The following NTRK2 variants were observed in gnomAD, a reference collection of about 807,000 sequenced individuals.
NTRK2 encodes neurotrophic receptor tyrosine kinase 2.
A neutral mutation model predicts 94.5 loss-of-function variants in NTRK2; 13 were observed. The observed-to-expected ratio is 0.14, with a 90% CI of 0.09 to 0.22. NTRK2 has a LOEUF of 0.22. Ranked by LOEUF, NTRK2 falls within the 10% of genes least tolerant of loss-of-function variation. The pLI is 1.00. For missense variants in NTRK2, 639 were observed against 1,071.2 expected, an observed-to-expected ratio of 0.60 and a Z score of 5.63; for synonymous variants, 372 against 407.4, an observed-to-expected ratio of 0.91 and a Z score of 1.05.
intron 6 of NTRK2, among the ~76,000 whole-genome samples, chr9:84,718,366 TTCATACACACAATAGAG>T (rs1395040326): frequency 6.6e-6 from 1 of 152,122 alleles, no homozygotes; most frequent in East Asian, 1.9e-4. Context: ...ACCCTGGTGA[TTCATACACACAATAGAG>T]TTGTGTGTAT....
chr9:84,980,104 C>G (rs888778929), intron 17 of NTRK2, among the ~76,000 whole-genome samples: 15 of 152,182 alleles, frequency 9.9e-5, no homozygotes, highest in African/African-American at 3.6e-4. Flanking sequence ...TGAGGCATGT[C>G]TGTACTCATC....
At chr9:84,691,707 C>T (rs899528664) in intron 2 of NTRK2, among the ~76,000 whole-genome samples, 2 of 152,124 alleles carry the variant, frequency 1.3e-5, no homozygotes, top group Non-Finnish European at 2.9e-5. Context: ...AGCCCTGTGA[C>T]TGCCCCAGAA....
intron 17 of NTRK2, among the ~76,000 whole-genome samples, chr9:84,988,411 G>C (rs1055222305): frequency 6.6e-6 from 1 of 152,048 alleles, no homozygotes; most frequent in African/African-American, 2.4e-5. Flanking sequence ...ATCACCCTGG[G>C]AACTTAATCT....
chr9:84,678,562 C>A (rs1684065064), intron 2 of NTRK2, among the ~76,000 whole-genome samples: 2 of 152,210 alleles, frequency 1.3e-5, no homozygotes, highest in Admixed American at 1.3e-4. Context: ...GACTCTTGCT[C>A]ACTGTGTGGC....
At chr9:84,781,048 G>A (rs566268539) in intron 12 of NTRK2, among the ~76,000 whole-genome samples, 3 of 152,132 alleles carry the variant, frequency 2.0e-5, no homozygotes, top group Admixed American at 6.5e-5. Context: ...CAGGGTTCAG[G>A]GTGCAAAAGG....
intron 9 of NTRK2, among the ~76,000 whole-genome samples, chr9:84,734,575 G>T (rs773063285): frequency 4.6e-5 from 7 of 152,204 alleles, no homozygotes; most frequent in Non-Finnish European, 1.0e-4. Flanking sequence ...TGGTGGGAGG[G>T]ACCTAATGGG....
At chr9:84,732,706 C>G (rs2062974305) in intron 9 of NTRK2, among the ~76,000 whole-genome samples, 1 of 152,010 alleles carries the variant, frequency 6.6e-6, no homozygotes, top group South Asian at 2.1e-4. Flanking sequence ...GTTTCAGTGT[C>G]CCTGCTGCCC....
At chr9:84,778,018 T>C (rs1342689130) in intron 12 of NTRK2, among the ~76,000 whole-genome samples, 2 of 152,100 alleles carry the variant, frequency 1.3e-5, no homozygotes, top group African/African-American at 4.8e-5. Context: ...TGTCAACATT[T>C]TGGGAGGCAG....
intron 10 of NTRK2, 31 bp from the exon 11 acceptor site, chr9:84,744,942 T>C: frequency 6.8e-7 from 1 of 1,479,718 alleles, no homozygotes; most frequent in African/African-American, 1.4e-5. Context: ...CAACTTCATG[T>C]TCTTCCTCAT....
At chr9:84,757,885 T>C (rs1243051180) in intron 12 of NTRK2, among the ~76,000 whole-genome samples, 1 of 152,156 alleles carries the variant, frequency 6.6e-6, no homozygotes, top group African/African-American at 2.4e-5. Context: ...GGAGGAAAGA[T>C]ATATATGTTT....
intron 17 of NTRK2, among the ~76,000 whole-genome samples, chr9:85,011,559 T>C (rs958700101): frequency 6.6e-6 from 1 of 152,210 alleles, no homozygotes; most frequent in Non-Finnish European, 1.5e-5. Flanking sequence ...TCGCTCGCTG[T>C]GACTTCCCTC....
chr9:84,858,275 C>A (rs529060684), intron 12 of NTRK2, among the ~76,000 whole-genome samples: 1 of 152,146 alleles, frequency 6.6e-6, no homozygotes, highest in Non-Finnish European at 1.5e-5. Flanking sequence ...CACCCTGCAG[C>A]CAAAATGATT....
chr9:84,869,628 A>T (rs897246869), intron 14 of NTRK2, among the ~76,000 whole-genome samples: 2 of 151,688 alleles, frequency 1.3e-5, no homozygotes, highest in African/African-American at 4.9e-5. Context: ...GAGCACTCTC[A>T]TGTGTTTCTG....
At position 85,021,447 on chromosome 9, in the gene NTRK2, C is replaced by A; in HGVS notation, c.*10C>A. ...GGACATTCTAGGCTAGGGCCCTTTT[C>A]CCCAGACCGATCCTTCCCAACGTAC... On this transcript the variant is annotated 3_prime_UTR_variant, in exon 19 of 19. Coordinates refer to ENST00000277120, the MANE Select transcript of NTRK2 (RefSeq NM_006180.6). 2 of 1,613,904 alleles carry A rather than the reference C, an allele frequency of 1.2e-6. No individual in the cohort carries two copies. The highest frequency in any genetic ancestry group is 4.5e-5 in the East Asian group (2 of 44,876).
intron 14 of NTRK2, among the ~76,000 whole-genome samples, chr9:84,925,201 C>CTTCTT (rs1554769539): frequency 1.4e-5 from 2 of 141,292 alleles, no homozygotes; most frequent in African/African-American, 5.2e-5. Flanking sequence ...TTCTCTTCTT[C>CTTCTT]TTTTTTTTTT....
intron 12 of NTRK2, among the ~76,000 whole-genome samples, chr9:84,788,635 G>T (rs563701123): frequency 6.6e-6 from 1 of 152,130 alleles, no homozygotes; most frequent in Admixed American, 6.5e-5. Context: ...TGTGGGATGA[G>T]CTCAAGGTGG....
At chr9:84,814,583 A>T in intron 12 of NTRK2, 2 of 1,065,828 alleles carry the variant, frequency 1.9e-6, no homozygotes, top group Non-Finnish European at 2.3e-6. Flanking sequence ...GATACTACAC[A>T]AGACCTGTGC....
chr9:84,744,340 G>A (rs2063883392), intron 10 of NTRK2, among the ~76,000 whole-genome samples: 1 of 149,786 alleles, frequency 6.7e-6, no homozygotes, highest in Non-Finnish European at 1.5e-5. Flanking sequence ...TAATCATTCT[G>A]AAACTGAAAT....
intron 14 of NTRK2, among the ~76,000 whole-genome samples, chr9:84,926,269 G>A (rs1309435038): frequency 6.8e-6 from 1 of 146,768 alleles, no homozygotes; most frequent in African/African-American, 2.5e-5. Context: ...TTTCACTCTT[G>A]TTGCCCAGGA....
Sources: gnomAD v4.1 joint callset for allele counts (sites outside exome capture counted in the v4.1 genomes callset) on GRCh38, gnomAD v4.1.1 for gene constraint, MANE v1.5 for transcripts, NCBI Gene and HGNC (gene_info 2026-07-23, HGNC 2026-07-21) for gene names.